SPON1: variants seen among roughly 807,000 people sequenced by gnomAD.
SPON1 encodes the protein spondin-1.
SPON1 carries 52 observed loss-of-function variants against 111.7 expected under a neutral mutation model. That is an observed-to-expected ratio of 0.47 (90% CI 0.37 to 0.59). The LOEUF is 0.59. Ranked by LOEUF, SPON1 falls within the 20% of genes least tolerant of loss-of-function variation. The pLI, the probability that SPON1 is intolerant of heterozygous loss-of-function variation, is 0.00. For synonymous variants in SPON1, 410 were observed against 395.8 expected, an observed-to-expected ratio of 1.04 and a Z score of -0.43; for missense variants, 957 against 1,068.5, an observed-to-expected ratio of 0.90 and a Z score of 1.46.
chr11:14,026,378 C>A (rs1188542540), intron 2 of SPON1, among the ~76,000 whole-genome samples: 3 of 152,104 alleles, frequency 2.0e-5, no homozygotes, highest in Non-Finnish European at 4.4e-5. Context: ...TGGTATTTCC[C>A]AAGGGTGTAA....
At chr11:14,227,910 C>T (rs1419923600) in intron 6 of SPON1, among the ~76,000 whole-genome samples, 1 of 152,134 alleles carries the variant, frequency 6.6e-6, no homozygotes, top group Non-Finnish European at 1.5e-5. Context: ...CACAAACACC[C>T]AAGGTTGAGT....
chr11:14,231,983 G>A (rs1238888540), intron 6 of SPON1, among the ~76,000 whole-genome samples: 1 of 151,786 alleles, frequency 6.6e-6, no homozygotes, highest in East Asian at 1.9e-4. Context: ...GTGTGTGTGT[G>A]TGTGTGTTTG....
chr11:14,171,116 T>C (rs1848093932), intron 6 of SPON1, among the ~76,000 whole-genome samples: 1 of 152,232 alleles, frequency 6.6e-6, no homozygotes. Flanking sequence ...TGTGAATCTA[T>C]CTGGTCCTGG....
chr11:14,109,875 A>G (rs1362769068), intron 5 of SPON1, among the ~76,000 whole-genome samples: 1 of 152,206 alleles, frequency 6.6e-6, no homozygotes, highest in Non-Finnish European at 1.5e-5. Flanking sequence ...CAGGAAGGAC[A>G]GCATGTTTTC....
At position 14,095,963 on chromosome 11, in the gene SPON1, G is replaced by T. The variant is rs1035085969; in HGVS notation, c.676+15942G>T. Among the ~76,000 whole-genome samples the T allele has an allele frequency of 7.1e-4, 108 of 152,266 alleles. 1 individual carries two copies. The highest frequency in any genetic ancestry group is 2.5e-3 in the African/African-American group (103 of 41,550). On this transcript the variant is annotated intron_variant, in intron 5 of 15. Transcript: ENST00000576479. ...CTGCCCATCAGAGCATCTCAGCTGTGCCACTGCCAGTGCTATGATGGGACA... is the reference window on the plus strand; with the variant it reads ...CTGCCCATCAGAGCATCTCAGCTGTTCCACTGCCAGTGCTATGATGGGACA...
chr11:14,154,038 C>T (rs1334423937), intron 6 of SPON1, among the ~76,000 whole-genome samples: 1 of 152,214 alleles, frequency 6.6e-6, no homozygotes, highest in Non-Finnish European at 1.5e-5. Context: ...GGCAGCTCCA[C>T]TTCTGTGGCT....
chr11:13,970,543 G>A (rs530349213), intron 1 of SPON1, among the ~76,000 whole-genome samples: 1 of 152,250 alleles, frequency 6.6e-6, no homozygotes, highest in South Asian at 2.1e-4. Context: ...AGTCACAGCA[G>A]GATGAACCAA....
chr11:14,015,633 AT>A lies in SPON1; in HGVS notation c.346-25887del, dbSNP rs1396596330. Among the ~76,000 whole-genome samples, 7 of 152,398 alleles carry A rather than the reference AT, an allele frequency of 4.6e-5. No individual in the cohort carries two copies. In the East Asian group the frequency reaches 1.3e-3, roughly 29 times the overall value. ...GGTTTCTGATAATTTCTGAATTGAT[AT>A]GTCAAAGATGTGGTTGATTGACACT... On this transcript the variant is annotated intron_variant, in intron 2 of 15. Coordinates refer to ENST00000576479, the MANE Select transcript of SPON1 (RefSeq NM_006108.4).
At chr11:14,183,707 C>A (rs1554933866) in intron 6 of SPON1, among the ~76,000 whole-genome samples, 1 of 152,110 alleles carries the variant, frequency 6.6e-6, no homozygotes, top group African/African-American at 2.4e-5. Context: ...AACTTTGACT[C>A]AGAGAGGGTA....
intron 6 of SPON1, among the ~76,000 whole-genome samples, chr11:14,152,410 C>G (rs914965918): frequency 6.6e-6 from 1 of 152,208 alleles, no homozygotes; most frequent in Non-Finnish European, 1.5e-5. Context: ...AGCTTATTAA[C>G]TAGCAAGCCA....
intron 9 of SPON1, 150 bp downstream of exon 9, chr11:14,255,937 A>C: frequency 1.2e-6 from 1 of 830,552 alleles, no homozygotes; most frequent in Non-Finnish European, 1.8e-6. Flanking sequence ...TCTAACATGC[A>C]AATTATTTCA....
intron 6 of SPON1, among the ~76,000 whole-genome samples, chr11:14,194,369 G>A (rs181274556): frequency 3.4e-4 from 51 of 152,196 alleles, no homozygotes; most frequent in Middle Eastern, 3.4e-3. Context: ...AATACAAACT[G>A]AACTTCATTA....
intron 6 of SPON1, among the ~76,000 whole-genome samples, chr11:14,141,445 T>C (rs575855581): frequency 4.3e-4 from 66 of 152,314 alleles, no homozygotes; most frequent in Non-Finnish European, 8.7e-4. Flanking sequence ...AAAAATCCAT[T>C]AGAAAAATCA....
intron 2 of SPON1, among the ~76,000 whole-genome samples, chr11:14,037,499 G>A (rs530505667): frequency 1.0e-4 from 15 of 149,052 alleles, no homozygotes; most frequent in Non-Finnish European, 1.9e-4. Context: ...TTCAACAAAT[G>A]GTGCTGAAAC....
chr11:14,049,512 C>T (rs1157989399), intron 3 of SPON1, among the ~76,000 whole-genome samples: 1 of 152,160 alleles, frequency 6.6e-6, no homozygotes, highest in Non-Finnish European at 1.5e-5. Context: ...TGCCTATGAC[C>T]TTCACCAGGT....
chr11:14,099,580 C>G (rs1027817984), intron 5 of SPON1, among the ~76,000 whole-genome samples: 1 of 152,080 alleles, frequency 6.6e-6, no homozygotes, highest in Admixed American at 6.5e-5. Context: ...ACTTTATCTT[C>G]TTGACATATT....
chr11:14,112,660 G>T (rs1447349863), intron 5 of SPON1, among the ~76,000 whole-genome samples: 1 of 152,196 alleles, frequency 6.6e-6, no homozygotes, highest in African/African-American at 2.4e-5. Flanking sequence ...TTGGACCCCA[G>T]TTCTCATAAC....
At chr11:14,237,727 C>A (rs1554939328) in intron 6 of SPON1, among the ~76,000 whole-genome samples, 1 of 152,238 alleles carries the variant, frequency 6.6e-6, no homozygotes, top group Admixed American at 6.5e-5. Context: ...GCCCAAGGAG[C>A]CTGTGCCTTC....
intron 3 of SPON1, among the ~76,000 whole-genome samples, chr11:14,053,440 G>A (rs1554918840): frequency 6.6e-6 from 1 of 152,070 alleles, no homozygotes; most frequent in Admixed American, 6.5e-5. Flanking sequence ...TTAACATAAT[G>A]TTTTTGAGGT....
Sources: gnomAD v4.1 joint callset for allele counts (sites outside exome capture counted in the v4.1 genomes callset) on GRCh38, gnomAD v4.1.1 for gene constraint, MANE v1.5 for transcripts, NCBI Gene and HGNC (gene_info 2026-07-23, HGNC 2026-07-21) for gene names.